The following CXCR5 variants were observed in gnomAD, a reference collection of about 807,000 sequenced individuals.
The protein encoded by CXCR5 is C-X-C motif chemokine receptor 5, also known as C-X-C chemokine receptor type 5.
Under a neutral mutation model 5.6 loss-of-function variants are expected in CXCR5, and 3 were observed. The ratio of observed to expected loss-of-function variants is 0.54; its 90% confidence interval spans 0.24 to 1.39. The LOEUF (loss-of-function observed/expected upper bound fraction) is 1.39, where lower values mean the gene tolerates loss of function less well. CXCR5 is among the 40% of genes most tolerant of loss of function. The pLI is 0.16. For synonymous variants in CXCR5, 218 were observed against 219.9 expected, an observed-to-expected ratio of 0.99 and a Z score of 0.08; for missense variants, 333 against 494.6, an observed-to-expected ratio of 0.67 and a Z score of 3.10.
In CXCR5 at chr11:118,894,286, G is replaced by A; in HGVS notation, c.742G>A (p.Ala248Thr). 1 of 1,614,066 alleles carries A rather than the reference G, an allele frequency of 6.2e-7. No individual in the cohort carries two copies. Residue 248 changes from alanine to threonine, a missense_variant, in exon 2 of 2, where the codon GCC becomes ACC. Physicochemically the swap from Ala to Thr is moderately conservative, Grantham distance 58 (BLOSUM62 0). Transcript: ENST00000292174. This position sits in a 1 kb window ranked among gnomAD's most constrained non-coding sequence, Gnocchi z 6.1. ...GGGGGTAGTGCACAGGTTGCGCCAG[G>A]CCCAGCGGCGCCCTCAGCGGCAGAA... ...YVGVVHRLRQ[A>T]QRRPQRQKAV...
Position 118,884,021 on chromosome 11 carries a change from C to T in CXCR5, c.51+29C>T, listed in dbSNP as rs201776657. The stretch of plus-strand genomic sequence containing the variant: ...AGTAGACACGGGTAGCTTCCTGTCG[C>T]CGAGGCCCTGTCTGGAATTCTAACA... On this transcript the variant is annotated intron_variant, in intron 1 of 1. Coordinates refer to ENST00000292174, the MANE Select transcript of CXCR5 (RefSeq NM_001716.5). The T allele has an allele frequency of 1.3e-5, 21 of 1,607,734 alleles. No homozygotes were observed. In the African/African-American group the frequency reaches 2.7e-4, roughly 20 times the overall value.
At chr11:118,891,368 C>T (rs1939807867) in intron 1 of CXCR5, among the ~76,000 whole-genome samples, 1 of 151,762 alleles carries the variant, frequency 6.6e-6, no homozygotes, top group Non-Finnish European at 1.5e-5. Flanking sequence ...GAGATTGGGT[C>T]TTGGTCTGTT....
intron 1 of CXCR5, chr11:118,886,290 T>C (rs759826234): frequency 1.2e-5 from 5 of 433,812 alleles, no homozygotes; most frequent in Non-Finnish European, 2.3e-5. Context: ...GAACGCTGGG[T>C]TTTACACTCT....
At chr11:118,887,000 G>GC in intron 1 of CXCR5, 1 of 152,882 alleles carries the variant, frequency 6.5e-6, no homozygotes. Flanking sequence ...TTCTCCACCC[G>GC]CCCCCCGCAA....
Position 118,897,104 on chromosome 11 carries a change from G to C in CXCR5, c.*2441G>C, listed in dbSNP as rs1341172390. The C allele has an allele frequency of 6.5e-6, 1 of 153,688 alleles. No homozygotes were observed. The allele number at this position is 153,688 out of a possible 1,614,324, so 9.5% of individuals were successfully genotyped here. A position where few individuals can be genotyped will look rare whatever the true frequency, so the allele number is the denominator to read the frequency against. On this transcript the variant is annotated 3_prime_UTR_variant, in exon 2 of 2. Transcript: ENST00000292174. ...GTGAGTGGGCAGGCAGAGAGGAGGC[G>C]GCAGGATGCTGTTTCCCCGATTCCA...
At chr11:118,884,098 T>C in intron 1 of CXCR5, 106 bp downstream of exon 1, 1 of 1,119,070 alleles carries the variant, frequency 8.9e-7, no homozygotes, top group South Asian at 1.3e-5. Flanking sequence ...CCTCTCCCAC[T>C]GTGGATCTGT....
chr11:118,893,752 G>T lies in CXCR5; in HGVS notation c.208G>T (p.Val70Phe), dbSNP rs112901555. The T allele has an allele frequency of 6.2e-7, 1 of 1,614,186 alleles. No homozygotes were observed. The highest frequency in any genetic ancestry group is 8.5e-7 in the Non-Finnish European group (1 of 1,180,020). The change falls in exon 2 of 2, where the codon GTC becomes TTC. Residue 70 changes from valine to phenylalanine, a missense_variant. Val to Phe is a conservative substitution (Grantham distance 50). Coordinates refer to ENST00000292174, the MANE Select transcript of CXCR5 (RefSeq NM_001716.5). The surrounding 1 kb of genome is among the most constrained non-coding windows in gnomAD (Gnocchi z 5.7). The stretch of plus-strand genomic sequence containing the variant: ...CTTCCTCCTGGGCGTGATCGGCAAC[G>T]TCCTGGTGCTGGTGATCCTGGAGCG... ...LIFLLGVIGN[V>F]LVLVILERHR...
intron 1 of CXCR5, chr11:118,886,289 G>C: frequency 2.3e-6 from 1 of 435,398 alleles, no homozygotes. Context: ...TGAACGCTGG[G>C]TTTTACACTC....
chr11:118,887,762 C>T (rs79444552), intron 1 of CXCR5: 2,994 of 152,946 alleles, frequency 0.02, 71 homozygotes, highest in East Asian at 0.11. Flanking sequence ...ATGACAGATA[C>T]CCTGGCCAGC....
Position 118,897,587 on chromosome 11 carries a change from G to A in CXCR5, c.*2924G>A, listed in dbSNP as rs1939966243. On this transcript the variant is annotated 3_prime_UTR_variant, in exon 2 of 2. Coordinates refer to ENST00000292174, the MANE Select transcript of CXCR5 (RefSeq NM_001716.5). ...CCTAGGTGGTCTGACCTCAGTTTAG[G>A]AGTGGGTCATTTACGTCATCTTACC... The A allele has an allele frequency of 2.8e-6, 1 of 361,452 alleles. No individual in the cohort carries two copies. Among genetic ancestry groups the A allele is most frequent in the Non-Finnish European group, 5.4e-6 (1 of 183,874 alleles). 22.4% of individuals were successfully genotyped at this position (361,452 alleles called of 1,614,324 possible).
At chr11:118,885,872 G>C (rs1005106430) in intron 1 of CXCR5, 2 of 155,872 alleles carry the variant, frequency 1.3e-5, no homozygotes, top group African/African-American at 2.4e-5. Context: ...CCCTCACTCA[G>C]GGTCTAGCCA....
At chr11:118,886,488 G>A (rs976460541) in intron 1 of CXCR5, 14 of 392,084 alleles carry the variant, frequency 3.6e-5, no homozygotes, top group African/African-American at 3.0e-4. Flanking sequence ...CTGGGGGGTG[G>A]GGACGGGCTG....
intron 1 of CXCR5, chr11:118,887,356 AG>A: frequency 1.0e-6 from 1 of 985,416 alleles, no homozygotes; most frequent in Non-Finnish European, 1.2e-6. Context: ...CACACCTGGG[AG>A]GCCTGTCTGC....
intron 1 of CXCR5, among the ~76,000 whole-genome samples, chr11:118,889,664 C>T (rs899088510): frequency 2.0e-5 from 3 of 152,188 alleles, no homozygotes; most frequent in Non-Finnish European, 4.4e-5. Flanking sequence ...TTTGACACCT[C>T]CTGCTGAGAT....
At chr11:118,889,408 A>T (rs1939773308) in intron 1 of CXCR5, among the ~76,000 whole-genome samples, 1 of 152,206 alleles carries the variant, frequency 6.6e-6, no homozygotes, top group Non-Finnish European at 1.5e-5. Context: ...CATGTCAAAG[A>T]ATGGGCACAC....
chr11:118,892,337 A>T (rs566722785), intron 1 of CXCR5, among the ~76,000 whole-genome samples: 2 of 152,276 alleles, frequency 1.3e-5, no homozygotes, highest in East Asian at 3.9e-4. Flanking sequence ...TGTGGCACCC[A>T]GTGTGACCAT....
chr11:118,886,768 G>C, intron 1 of CXCR5: 1 of 200,076 alleles, frequency 5.0e-6, no homozygotes. Flanking sequence ...GGGAGGGGAA[G>C]CTGCTATAGC....
At chr11:118,884,644 G>A (rs1939682216) in intron 1 of CXCR5, among the ~76,000 whole-genome samples, 1 of 152,218 alleles carries the variant, frequency 6.6e-6, no homozygotes, top group Non-Finnish European at 1.5e-5. Flanking sequence ...TGAGAAAACT[G>A]TTAATCTGAC....
At chr11:118,887,501 A>G in intron 1 of CXCR5, 1 of 911,436 alleles carries the variant, frequency 1.1e-6, no homozygotes, top group Non-Finnish European at 1.3e-6. Flanking sequence ...CACCACATCC[A>G]GCACAGTACC....
Sources: allele counts gnomAD v4.1 joint callset (sites outside exome capture counted in the v4.1 genomes callset), GRCh38; gene constraint gnomAD v4.1.1; non-coding constraint Gnocchi (gnomAD v3.1); transcripts MANE v1.5; gene names NCBI Gene and HGNC (gene_info 2026-07-23, HGNC 2026-07-21).